BLOC1S1: variants seen among roughly 807,000 people sequenced by gnomAD.
BLOC1S1 encodes the protein biogenesis of lysosomal organelles complex 1 subunit 1.
In BLOC1S1, 11 loss-of-function variants were observed where a neutral mutation model predicts 19.0. The observed-to-expected ratio is 0.58, with a 90% CI of 0.37 to 0.96. The LOEUF (loss-of-function observed/expected upper bound fraction) is 0.96, where lower values mean the gene tolerates loss of function less well. Ranked by LOEUF, BLOC1S1 falls within the 40% of genes least tolerant of loss-of-function variation. The pLI, the probability that BLOC1S1 is intolerant of heterozygous loss-of-function variation, is 0.01. For synonymous variants in BLOC1S1, 94 were observed against 76.4 expected (o/e 1.23, Z -1.20); for missense variants, 220 against 195.9 (o/e 1.12, Z -0.73).
chr12:55,717,569 AAAG>A (rs146341528), intron 2 of BLOC1S1, among the ~76,000 whole-genome samples: 15,264 of 152,176 alleles, frequency 0.1, 1,337 homozygotes, highest in African/African-American at 0.23. Flanking sequence ...GGGAAAAAGC[AAAG>A]AACATTGTCT....
chr12:55,716,099 G>T lies in BLOC1S1; in HGVS notation c.48G>T (p.Arg16Ser). Residue 16 changes from arginine to serine, a missense_variant, in exon 1 of 4, where the codon AGG (arginine) becomes AGT (serine). Physicochemically the swap from Arg to Ser is moderately radical, Grantham distance 110 (BLOSUM62 -1). Transcript: ENST00000548925. Reference protein sequence around the residue: ...RGERSSFRSRRGPGVPSPQPD... With the variant: ...RGERSSFRSRSGPGVPSPQPD... Reference sequence around the variant, plus strand: ...AGCGTTCCAGCTTCCGGAGCCGGAGGGGGCCCGGCGTACCCAGCCCCCAGC... The same window carrying T: ...AGCGTTCCAGCTTCCGGAGCCGGAGTGGGCCCGGCGTACCCAGCCCCCAGC... 1 of 1,597,194 alleles carries T rather than the reference G, an allele frequency of 6.3e-7. No individual in the cohort carries two copies. Among genetic ancestry groups the T allele is most frequent in the East Asian group, 2.3e-5 (1 of 43,656 alleles).
In BLOC1S1 at chr12:55,716,113, C is replaced by A; in HGVS notation, c.62C>A (p.Pro21His). 1 of 1,606,764 alleles carries A rather than the reference C, an allele frequency of 6.2e-7. No individual in the cohort carries two copies. Among genetic ancestry groups the A allele is most frequent in the Middle Eastern group, 1.7e-4 (1 of 6,048 alleles). Residue 21 changes from proline to histidine, a missense_variant, in exon 1 of 4, where the codon CCC becomes CAC. By Grantham distance (77) the Pro-to-His change is moderately conservative. Coordinates refer to ENST00000548925, the MANE Select transcript of BLOC1S1 (RefSeq NM_001487.4). ...CGGAGCCGGAGGGGGCCCGGCGTAC[C>A]CAGCCCCCAGCCCGACGTGACCATG... ...SFRSRRGPGV[P>H]SPQPDVTMLS...
intron 2 of BLOC1S1, 43 bp from the exon 3 acceptor site, chr12:55,719,048 C>T (rs781779515): frequency 1.3e-6 from 2 of 1,598,844 alleles, no homozygotes; most frequent in South Asian, 1.1e-5. Context: ...GAGACCACCC[C>T]CAACTAGCTG....
intron 1 of BLOC1S1, chr12:55,716,436 C>T (rs1001011850): frequency 7.3e-7 from 1 of 1,362,774 alleles, no homozygotes; most frequent in Non-Finnish European, 9.4e-7. Flanking sequence ...CGACCTGCCG[C>T]ACCTTAGCCC....
rs753270295 is a variant in BLOC1S1 at position 55,716,942 on chromosome 12, G to A, written c.155G>A (p.Arg52Lys). Residue 52 changes from arginine to lysine, a missense_variant, in exon 2 of 4, where the codon AGG becomes AAG. Transcript: ENST00000548925. Reference protein sequence around the residue: ...NERKELQEKRRREAITAATCL... With the variant: ...NERKELQEKRKREAITAATCL... ...TTCCCCCTCTCCCCAGAAAAGAGGAGGCGAGAGGCTATCACTGCAGCGACC... is the reference window on the plus strand; with the variant it reads ...TTCCCCCTCTCCCCAGAAAAGAGGAAGCGAGAGGCTATCACTGCAGCGACC... 6 of 1,590,694 alleles carry A rather than the reference G, an allele frequency of 3.8e-6. No homozygotes were observed. The highest frequency in any genetic ancestry group is 5.1e-6 in the Non-Finnish European group (6 of 1,170,360).
chr12:55,717,008 A>G lies in BLOC1S1; in HGVS notation c.218+3A>G, dbSNP rs1197525464. The stretch of plus-strand genomic sequence containing the variant: ...TTGGTGGATCACCTCAATGTGGGGT[A>G]TGGACCTCTTATCAACATCAGTTTC... On this transcript the variant is annotated splice_donor_region_variant and intron_variant, in intron 2 of 3. Coordinates refer to ENST00000548925, the MANE Select transcript of BLOC1S1 (RefSeq NM_001487.4). The G allele has an allele frequency of 6.3e-7, 1 of 1,582,868 alleles. No individual in the cohort carries two copies. Among genetic ancestry groups the G allele is most frequent in the Non-Finnish European group, 8.6e-7 (1 of 1,166,798 alleles).
At chr12:55,716,490 C>A (rs758772712) in intron 1 of BLOC1S1, 8 of 1,280,698 alleles carry the variant, frequency 6.2e-6, no homozygotes, top group Non-Finnish European at 7.9e-6. Context: ...CTGGGAGCCT[C>A]TCGTCCTGGC....
chr12:55,718,991 C>T (rs189565976), intron 2 of BLOC1S1, 100 bp from the exon 3 acceptor site: 1 of 1,464,660 alleles, frequency 6.8e-7, no homozygotes, highest in East Asian at 2.4e-5. Flanking sequence ...ATTATGAGCC[C>T]TGATTCTTGG....
At chr12:55,716,374 G>GCTCCGGTCCCTTGGGCAATA in intron 1 of BLOC1S1, 178 bp downstream of exon 1, 2 of 1,432,718 alleles carry the variant, frequency 1.4e-6, no homozygotes, top group Non-Finnish European at 1.8e-6. Context: ...TTGCCAACTG[G>GCTCCGGTCCCTTGGGCAATA]CTCCGGTCCC....
At chr12:55,718,304 T>C (rs1487027658) in intron 2 of BLOC1S1, among the ~76,000 whole-genome samples, 2 of 151,850 alleles carry the variant, frequency 1.3e-5, no homozygotes, top group Non-Finnish European at 2.9e-5. Context: ...CCTGGCTGAG[T>C]AGAGCTCTGG....
rs752643141 is a variant in BLOC1S1, at chr12:55,716,177, T to G, written c.126T>G (p.Asn42Lys). 17 of 1,611,640 alleles carry G rather than the reference T, an allele frequency of 1.1e-5. No individual in the cohort carries two copies. The highest frequency in any genetic ancestry group is 5.1e-6 in the Non-Finnish European group (6 of 1,178,868). Residue 42 changes from asparagine (N) to lysine (K), a missense_variant, in exon 1 of 4, where the codon AAT (asparagine) becomes AAG (lysine). By Grantham distance (94) the Asn-to-Lys change is moderately conservative. Coordinates refer to ENST00000548925, the MANE Select transcript of BLOC1S1 (RefSeq NM_001487.4). ...RLLKEHQAKQNERKELQEKRR... is the reference protein window; with the variant it reads ...RLLKEHQAKQKERKELQEKRR... ...TAAAAGAACACCAGGCCAAGCAGAA[T>G]GAACGCAAGGAGCTGCAGGGTGAGC...
At chr12:55,717,137 C>T in intron 2 of BLOC1S1, 132 bp downstream of exon 2, 1 of 647,116 alleles carries the variant, frequency 1.5e-6, no homozygotes. Flanking sequence ...TACCCCGCCC[C>T]TCCCAGCTCT....
intron 1 of BLOC1S1, chr12:55,716,560 C>T: frequency 1.7e-6 from 2 of 1,206,208 alleles, no homozygotes; most frequent in Non-Finnish European, 2.1e-6. Context: ...AGATGGGCTT[C>T]TTGGAGGCCT....
intron 2 of BLOC1S1, among the ~76,000 whole-genome samples, chr12:55,718,401 G>A (rs1359668730): frequency 6.6e-6 from 1 of 152,160 alleles, no homozygotes; most frequent in Non-Finnish European, 1.5e-5. Context: ...CAGAAGGTTG[G>A]GGACACCAAC....
chr12:55,717,035 T>C, intron 2 of BLOC1S1, 30 bp downstream of exon 2: 1 of 1,548,754 alleles, frequency 6.5e-7, no homozygotes, highest in African/African-American at 1.4e-5. Context: ...ATCAGTTTCC[T>C]CCTTCCCCAC....
intron 2 of BLOC1S1, among the ~76,000 whole-genome samples, chr12:55,718,240 C>G (rs961027496): frequency 5.3e-5 from 8 of 152,234 alleles, no homozygotes; most frequent in African/African-American, 1.9e-4. Flanking sequence ...CCAACCCCTT[C>G]CCCGCTCCAG....
chr12:55,717,982 C>A (rs1045759580), intron 2 of BLOC1S1, among the ~76,000 whole-genome samples: 1 of 152,172 alleles, frequency 6.6e-6, no homozygotes, highest in Non-Finnish European at 1.5e-5. Context: ...CCCATTTCCT[C>A]CCTCCCACAT....
chr12:55,719,510 T>C lies in BLOC1S1; in HGVS notation c.363T>C (p.Asp121=). 6.2e-7 allele frequency: 1 copy of C among 1,614,090 alleles called. No individual in the cohort carries two copies. The stretch of plus-strand genomic sequence containing the variant: ...CTCCCCCTTCCCAGGAAATTGGGGA[T>C]GTGGAGAACTGGGCTCGGAGCATCG... ...NFNQALKEIG[D]VENWARSIEL... Residue 121 remains aspartate (D), a synonymous_variant, in exon 4 of 4, where the codon GAT becomes GAC. Coordinates refer to ENST00000548925, the MANE Select transcript of BLOC1S1 (RefSeq NM_001487.4).
chr12:55,716,791 G>A (rs1243863534), intron 1 of BLOC1S1, 142 bp from the exon 2 acceptor site: 3 of 1,274,348 alleles, frequency 2.4e-6, no homozygotes, highest in African/African-American at 1.6e-5. Context: ...TGTTTTGCAA[G>A]GTCCTTTTCA....
Sources: allele counts gnomAD v4.1 joint callset (sites outside exome capture counted in the v4.1 genomes callset), GRCh38; gene constraint gnomAD v4.1.1; transcripts MANE v1.5; gene names NCBI Gene and HGNC (gene_info 2026-07-23, HGNC 2026-07-21).